Variants in MTHFD2L observed in about 807,000 individuals in gnomAD.
The protein encoded by MTHFD2L is methylenetetrahydrofolate dehydrogenase (NADP+ dependent) 2 like.
A neutral mutation model predicts 34.9 loss-of-function variants in MTHFD2L; 29 were observed. The ratio of observed to expected loss-of-function variants is 0.83; its 90% CI spans 0.62 to 1.13. The LOEUF (loss-of-function observed/expected upper bound fraction) is 1.13, where lower values mean the gene tolerates loss of function less well. Ranked by LOEUF, MTHFD2L falls within the 50% of genes most tolerant of loss-of-function variation. MTHFD2L has a pLI of 0.00. For missense variants in MTHFD2L, 481 were observed against 446.5 expected, an observed-to-expected ratio of 1.08 and a Z score of -0.70; for synonymous variants, 167 against 155.7, an observed-to-expected ratio of 1.07 and a Z score of -0.54.
chr4:74,241,662 G>C (rs1578586236), intron 6 of MTHFD2L: 1 of 411,584 alleles, frequency 2.4e-6, no homozygotes, highest in East Asian at 8.0e-5. Flanking sequence ...ACAGGCATGA[G>C]CCACCACACC....
intron 7 of MTHFD2L, among the ~76,000 whole-genome samples, chr4:74,291,461 A>G (rs1214644210): frequency 6.6e-6 from 1 of 152,192 alleles, no homozygotes; most frequent in African/African-American, 2.4e-5. Context: ...CTTAATGGGA[A>G]CAAAAGCTTT....
intron 3 of MTHFD2L, among the ~76,000 whole-genome samples, chr4:74,185,333 T>G (rs1172789895): frequency 6.6e-6 from 1 of 151,736 alleles, no homozygotes; most frequent in Non-Finnish European, 1.5e-5. Context: ...AAAGCAGTAC[T>G]TAAGGGAAAT....
rs538574926 is a variant in MTHFD2L at position 74,136,625 on chromosome 4, T to A, written c.-297+11108T>A. The stretch of plus-strand genomic sequence containing the variant: ...ATTCTTCACAGAAATGTTTTAAAAA[T>A]CTGAAATTCATATGGAACTGCAAAA... On this transcript the variant is annotated intron_variant, in intron 1 of 7. Coordinates refer to the MTHFD2L transcript ENST00000433372. Among the ~76,000 whole-genome samples the A allele has an allele frequency of 2.0e-5, 3 of 152,114 alleles. No homozygotes were observed. In the South Asian group the frequency reaches 6.2e-4, roughly 32 times the overall value.
chr4:74,127,087 G>C (rs1578220646), intron 1 of MTHFD2L, among the ~76,000 whole-genome samples: 2 of 148,952 alleles, frequency 1.3e-5, no homozygotes, highest in Admixed American at 6.6e-5. Context: ...TGCCATGATT[G>C]TAAGTTTCCT....
At chr4:74,286,902 T>A (rs1465871618) in intron 7 of MTHFD2L, among the ~76,000 whole-genome samples, 1 of 152,182 alleles carries the variant, frequency 6.6e-6, no homozygotes, top group East Asian at 1.9e-4. Context: ...GAATTGGTGT[T>A]GTAAAGAAAT....
At chr4:74,283,919 A>G (rs1747815769) in intron 7 of MTHFD2L, among the ~76,000 whole-genome samples, 1 of 152,122 alleles carries the variant, frequency 6.6e-6, no homozygotes, top group Non-Finnish European at 1.5e-5. Context: ...CCCCCAACTG[A>G]GAGGGAGGAA....
chr4:74,274,131 C>T (rs1746330144), intron 6 of MTHFD2L, among the ~76,000 whole-genome samples: 1 of 152,030 alleles, frequency 6.6e-6, no homozygotes, highest in African/African-American at 2.4e-5. Context: ...GGATTACAGG[C>T]ATAAGCCACT....
At chr4:74,232,643 G>GA (rs1417488239) in intron 6 of MTHFD2L, among the ~76,000 whole-genome samples, 4 of 152,158 alleles carry the variant, frequency 2.6e-5, no homozygotes, top group African/African-American at 9.7e-5. Context: ...GGACAATAGA[G>GA]AGGGAGGGAA....
intron 6 of MTHFD2L, among the ~76,000 whole-genome samples, chr4:74,259,755 A>T (rs1009268807): frequency 2.6e-5 from 4 of 152,216 alleles, no homozygotes; most frequent in Non-Finnish European, 5.9e-5. Context: ...GAAGTAGGGA[A>T]TGAAAAAGCC....
intron 1 of MTHFD2L, among the ~76,000 whole-genome samples, chr4:74,149,053 C>T (rs555728): frequency 0.1 from 15,607 of 151,796 alleles, 2,023 homozygotes; most frequent in African/African-American, 0.3. Context: ...ATAGCTTCCT[C>T]TGATCAATCA....
chr4:74,268,103 C>T (rs1046250125), intron 6 of MTHFD2L: 20 of 984,624 alleles, frequency 2.0e-5, no homozygotes, highest in Admixed American at 6.2e-5. Flanking sequence ...TGGTCACTGC[C>T]ACTGACTCAC....
At chr4:74,182,316 C>T (rs1730349568) in intron 3 of MTHFD2L, among the ~76,000 whole-genome samples, 2 of 152,158 alleles carry the variant, frequency 1.3e-5, no homozygotes, top group Non-Finnish European at 2.9e-5. Context: ...TAAGTCTCAT[C>T]CTTCTGCATA....
At chr4:74,128,947 T>A in intron 1 of MTHFD2L, among the ~76,000 whole-genome samples, 1 of 152,066 alleles carries the variant, frequency 6.6e-6, no homozygotes, top group East Asian at 1.9e-4. Flanking sequence ...TTGTTTCTTG[T>A]TTTCTGGTTG....
At chr4:74,183,821 C>T (rs867298495) in intron 3 of MTHFD2L, 4 of 103,364 alleles carry the variant, frequency 3.9e-5, no homozygotes, top group African/African-American at 1.1e-4. Context: ...TGTTCTTATT[C>T]TTATTATTCA....
intron 6 of MTHFD2L, among the ~76,000 whole-genome samples, chr4:74,246,250 G>A (rs1283050324): frequency 6.6e-6 from 1 of 151,874 alleles, no homozygotes; most frequent in Non-Finnish European, 1.5e-5. Flanking sequence ...ATTTTTTCGT[G>A]TGTCTTTTGG....
At chr4:74,221,583 A>G (rs887680414) in intron 5 of MTHFD2L, among the ~76,000 whole-genome samples, 2 of 151,782 alleles carry the variant, frequency 1.3e-5, no homozygotes, top group African/African-American at 2.4e-5. Context: ...TTCCTGCTAC[A>G]TGTTTGCTTT....
intron 6 of MTHFD2L, among the ~76,000 whole-genome samples, chr4:74,270,035 G>C (rs1307424548): frequency 6.6e-6 from 1 of 152,076 alleles, no homozygotes; most frequent in Admixed American, 6.6e-5. Flanking sequence ...ACGGACCTAA[G>C]GTCCTGAATG....
intron 7 of MTHFD2L, 67 bp downstream of exon 7, chr4:74,281,617 T>C: frequency 6.8e-7 from 1 of 1,469,028 alleles, no homozygotes; most frequent in Non-Finnish European, 9.1e-7. Flanking sequence ...ATTTTAAAAA[T>C]AGAGAAGTTT....
At chr4:74,224,957 T>G (rs536215969) in intron 5 of MTHFD2L, among the ~76,000 whole-genome samples, 1 of 152,264 alleles carries the variant, frequency 6.6e-6, no homozygotes, top group East Asian at 1.9e-4. Context: ...TTATTATTTG[T>G]TTGCTTGTCA....
Sources: allele counts gnomAD v4.1 joint callset (sites outside exome capture counted in the v4.1 genomes callset), GRCh38; gene constraint gnomAD v4.1.1; transcripts MANE v1.5; gene names NCBI Gene and HGNC (gene_info 2026-07-23, HGNC 2026-07-21).